C1orf141: variants seen among roughly 807,000 people sequenced by gnomAD.
C1orf141 encodes uncharacterized protein C1orf141.
Under a neutral mutation model 23.2 loss-of-function variants are expected in C1orf141, and 19 were observed. The ratio of observed to expected loss-of-function variants is 0.82; its 90% CI spans 0.57 to 1.20. C1orf141 has a LOEUF of 1.20. Ranked by LOEUF, C1orf141 falls within the 50% of genes most tolerant of loss-of-function variation. The pLI, the probability that C1orf141 is intolerant of heterozygous loss-of-function variation, is 0.00. For synonymous variants in C1orf141, 153 were observed against 154.6 expected, an observed-to-expected ratio of 0.99 and a Z score of 0.08; for missense variants, 469 against 455.1, an observed-to-expected ratio of 1.03 and a Z score of -0.28.
intron 1 of C1orf141, among the ~76,000 whole-genome samples, chr1:67,133,125 G>A (rs1646544137): frequency 6.6e-6 from 1 of 152,020 alleles, no homozygotes. Flanking sequence ...GCACCTTTGG[G>A]ACTAAAAACA....
intron 5 of C1orf141, among the ~76,000 whole-genome samples, chr1:67,109,087 T>C (rs11208999): frequency 0.88 from 133,931 of 152,060 alleles, 59,153 homozygotes; most frequent in East Asian, 0.97. Context: ...CAGCACTTTG[T>C]GAGGCCGAGG....
chr1:67,128,353 CTTTATTTATTTATTTATTTATTTA>C (rs142954688), intron 2 of C1orf141, among the ~76,000 whole-genome samples: 15,694 of 147,548 alleles, frequency 0.11, 954 homozygotes, highest in East Asian at 0.2. Flanking sequence ...CCAAAGCTCC[CTTTATTTATTTATTTATTTATTTA>C]TTTATTTATT....
At chr1:67,117,436 A>T (rs1202810239) in intron 4 of C1orf141, among the ~76,000 whole-genome samples, 1 of 152,204 alleles carries the variant, frequency 6.6e-6, no homozygotes, top group African/African-American at 2.4e-5. Context: ...AGAAAAAAAA[A>T]ATTATTGAAT....
Position 67,129,382 on chromosome 1 carries a change from T to C in C1orf141, c.-18+1760A>G, listed in dbSNP as rs539379888. 2.0e-5 allele frequency among the ~76,000 whole-genome samples: 3 copies of C among 152,102 alleles called. No individual in the cohort carries two copies. In the South Asian group the frequency reaches 6.2e-4, roughly 32 times the overall value. On this transcript the variant is annotated intron_variant, in intron 2 of 7. Coordinates refer to ENST00000684719, the MANE Select transcript of C1orf141 (RefSeq NM_001276351.2). ...GAGGTGGGAGAATCAAAAGGATCATTTGAGTCCAGGAGTTTGAGGCTGCAG... is the reference window on the plus strand; with the variant it reads ...GAGGTGGGAGAATCAAAAGGATCATCTGAGTCCAGGAGTTTGAGGCTGCAG...
intron 6 of C1orf141, chr1:67,095,767 TAGGGTGGC>T (rs1645665670): frequency 1.0e-5 from 2 of 199,234 alleles, no homozygotes; most frequent in Non-Finnish European, 2.0e-5. Flanking sequence ...CATGCCAACA[TAGGGTGGC>T]CCCAGCTTTG....
Position 67,094,976 on chromosome 1 carries a change from A to T in C1orf141, c.603+259T>A, listed in dbSNP as rs1037904312. ...TTTTAAAAAATTCTTTTTATTCTACAGTTCTATTATAATCAAGCAAATTTG... is the reference window on the plus strand; with the variant it reads ...TTTTAAAAAATTCTTTTTATTCTACTGTTCTATTATAATCAAGCAAATTTG... On this transcript the variant is annotated intron_variant, in intron 7 of 7. Transcript: ENST00000684719. 1.1e-5 allele frequency: 4 copies of T among 348,218 alleles called. No homozygotes were observed. In the South Asian group the frequency reaches 3.1e-4, roughly 27 times the overall value. 21.6% of individuals were successfully genotyped at this position (348,218 alleles called of 1,614,324 possible).
intron 5 of C1orf141, among the ~76,000 whole-genome samples, chr1:67,096,786 A>G (rs891555416): frequency 1.3e-5 from 2 of 152,216 alleles, no homozygotes; most frequent in African/African-American, 4.8e-5. Flanking sequence ...TACACATGCT[A>G]TTAGTAACAG....
chr1:67,135,007 C>T (rs1325091169), upstream of C1orf141: 1 of 151,646 alleles, frequency 6.6e-6, no homozygotes, highest in Non-Finnish European at 1.5e-5. Flanking sequence ...AGCAACGCGT[C>T]CTCGGTCCGT....
At chr1:67,096,188 A>C in intron 6 of C1orf141, 64 bp downstream of exon 6, 1 of 785,134 alleles carries the variant, frequency 1.3e-6, no homozygotes, top group African/African-American at 1.8e-5. Flanking sequence ...GTCAATTATA[A>C]AATGTGTCCT....
intron 5 of C1orf141, among the ~76,000 whole-genome samples, chr1:67,105,054 C>T (rs955841995): frequency 2.0e-5 from 3 of 152,030 alleles, no homozygotes; most frequent in South Asian, 4.1e-4. Context: ...TGGCCAGGTA[C>T]GGTGGCTCGT....
intron 5 of C1orf141, among the ~76,000 whole-genome samples, chr1:67,101,540 C>T (rs992060287): frequency 6.7e-5 from 10 of 149,992 alleles, no homozygotes; most frequent in African/African-American, 2.5e-4. Flanking sequence ...TCTCTACTGG[C>T]TCTTTCAATG....
At chr1:67,121,298 A>G (rs1046869693) in intron 4 of C1orf141, among the ~76,000 whole-genome samples, 2 of 152,216 alleles carry the variant, frequency 1.3e-5, no homozygotes, top group Admixed American at 6.5e-5. Flanking sequence ...CATAATGGCT[A>G]TAGGTAAGGC....
intron 4 of C1orf141, 151 bp downstream of exon 4, chr1:67,125,601 A>C (rs913493670): frequency 2.1e-5 from 16 of 750,536 alleles, no homozygotes; most frequent in South Asian, 1.3e-4. Context: ...CTGGAGGCCA[A>C]GGTGGGAGAA....
chr1:67,118,723 G>T (rs1295375883), intron 4 of C1orf141, among the ~76,000 whole-genome samples: 1 of 152,182 alleles, frequency 6.6e-6, no homozygotes, highest in Non-Finnish European at 1.5e-5. Flanking sequence ...AAAAGGATTT[G>T]TGTTCTTCTA....
chr1:67,129,165 A>G (rs796200101), intron 2 of C1orf141, among the ~76,000 whole-genome samples: 5 of 152,218 alleles, frequency 3.3e-5, no homozygotes, highest in African/African-American at 1.2e-4. Context: ...TAAATAAAGT[A>G]TACAGACATG....
chr1:67,126,015 C>A (rs182544922), intron 3 of C1orf141, 106 bp from the exon 4 acceptor site: 1 of 1,213,750 alleles, frequency 8.2e-7, no homozygotes, highest in East Asian at 2.6e-5. Flanking sequence ...CACACACACA[C>A]ACAGAATTTA....
At chr1:67,103,771 A>G (rs1371511327) in intron 5 of C1orf141, among the ~76,000 whole-genome samples, 1 of 152,142 alleles carries the variant, frequency 6.6e-6, no homozygotes, top group African/African-American at 2.4e-5. Context: ...TCTCTCTAAC[A>G]TAGAGTAGGT....
At chr1:67,126,386 G>A (rs1646414001) in intron 3 of C1orf141, among the ~76,000 whole-genome samples, 3 of 152,154 alleles carry the variant, frequency 2.0e-5, no homozygotes, top group Admixed American at 6.5e-5. Context: ...TATACAAATG[G>A]ATTGAAGAAG....
Position 67,096,261 on chromosome 1 carries a change from C to A in C1orf141, c.407G>T (p.Arg136Ile). Reference sequence around the variant, plus strand: ...TTTTAAAATAAATTACCTTTTATTTCTATCACCTTCTAAGAGACCAACAGA... The same window carrying A: ...TTTTAAAATAAATTACCTTTTATTTATATCACCTTCTAAGAGACCAACAGA... ...LDSVGLLEGDRNKRKKSPQMN... is the reference protein window; with the variant it reads ...LDSVGLLEGDINKRKKSPQMN... Residue 136 changes from arginine (R) to isoleucine (I), a missense_variant, in exon 6 of 8, where the codon AGA becomes ATA. This residue lies in a region of C1orf141 where 370 missense variants were observed against 348.1 expected (regional missense o/e 1.06). Coordinates refer to ENST00000684719, the MANE Select transcript of C1orf141 (RefSeq NM_001276351.2). 1 of 1,471,418 alleles carries A rather than the reference C, an allele frequency of 6.8e-7. No individual in the cohort carries two copies. The highest frequency in any genetic ancestry group is 9.3e-7 in the Non-Finnish European group (1 of 1,074,772). The allele number at this position is 1,471,418 out of a possible 1,614,324, so 91.1% of individuals were successfully genotyped here.
Sources: allele counts gnomAD v4.1 joint callset (sites outside exome capture counted in the v4.1 genomes callset), GRCh38; gene constraint gnomAD v4.1.1; regional missense constraint gnomAD v4.1.1; transcripts MANE v1.5; gene names NCBI Gene and HGNC (gene_info 2026-07-23, HGNC 2026-07-21).